Variants in NPTX2 observed in about 807,000 individuals in gnomAD.
NPTX2 encodes the protein neuronal pentraxin 2.
A neutral mutation model predicts 38.1 loss-of-function variants in NPTX2; 23 were observed. The ratio of observed to expected loss-of-function variants is 0.60; its 90% CI spans 0.43 to 0.85. The LOEUF is 0.85. Ranked by LOEUF, NPTX2 falls within the 40% of genes least tolerant of loss-of-function variation. NPTX2 has a pLI of 0.00. For synonymous variants in NPTX2, 291 were observed against 287.3 expected, an observed-to-expected ratio of 1.01 and a Z score of -0.13; for missense variants, 553 against 615.3, an observed-to-expected ratio of 0.90 and a Z score of 1.07.
At chr7:98,618,595 T>TCCCCCCCCCCCCCCCCC (rs1221869556) in intron 1 of NPTX2, among the ~76,000 whole-genome samples, 17 of 29,124 alleles carry the variant, frequency 5.8e-4, no homozygotes, top group Admixed American at 2.0e-3. Context: ...TCCCCCTCCG[T>TCCCCCCCCCCCCCCCCC]CCCCCCCCCC....
At chr7:98,618,595 TC>T (rs1221869556) in intron 1 of NPTX2, among the ~76,000 whole-genome samples, 8,831 of 29,110 alleles carry the variant, frequency 0.3, 741 homozygotes, top group East Asian at 0.45. Context: ...TCCCCCTCCG[TC>T]CCCCCCCCCC....
chr7:98,626,603 G>A (rs942803535), intron 3 of NPTX2, among the ~76,000 whole-genome samples: 5 of 152,182 alleles, frequency 3.3e-5, no homozygotes, highest in Non-Finnish European at 5.9e-5. Flanking sequence ...CAGCAACAAC[G>A]CGGTGGTTCA....
chr7:98,623,362 C>G (rs903709836), intron 2 of NPTX2, among the ~76,000 whole-genome samples: 2 of 152,178 alleles, frequency 1.3e-5, no homozygotes, highest in Non-Finnish European at 2.9e-5. Flanking sequence ...GAACTTCAAC[C>G]AAGGCTGCCT....
At chr7:98,627,042 C>CT in intron 3 of NPTX2, 123 bp from the exon 4 acceptor site, 2 of 600,518 alleles carry the variant, frequency 3.3e-6, no homozygotes, top group East Asian at 2.8e-5. Context: ...CCACGCATGA[C>CT]CCCGGTGACA....
At chr7:98,624,861 G>C (rs568874583) in intron 2 of NPTX2, 61 bp from the exon 3 acceptor site, 24 of 1,565,844 alleles carry the variant, frequency 1.5e-5, no homozygotes, top group South Asian at 1.3e-4. Context: ...GCTCTGGGCC[G>C]TGCTGGTGGG....
rs1391674073 is a variant in NPTX2 at position 98,625,061 on chromosome 7, A to T, written c.783A>T (p.Ser261=). Reference sequence around the variant, plus strand: ...GCCTGTGGCTGCGGTCCAGCGCCTCACCAGGCATTGGCACCCCCTTCTCCT... The same window carrying T: ...GCCTGTGGCTGCGGTCCAGCGCCTCTCCAGGCATTGGCACCCCCTTCTCCT... ...TICLWLRSSA[S]PGIGTPFSYA... is the part of the protein sequence containing the mutation. The change falls in exon 3 of 5, where the codon TCA becomes TCT. Residue 261 remains serine, a synonymous_variant. Transcript: ENST00000265634. 6.2e-6 allele frequency: 10 copies of T among 1,613,456 alleles called. No homozygotes were observed. The highest frequency in any genetic ancestry group is 7.6e-6 in the Non-Finnish European group (9 of 1,179,986).
intron 2 of NPTX2, among the ~76,000 whole-genome samples, chr7:98,623,582 A>T (rs1177629053): frequency 6.6e-6 from 1 of 152,194 alleles, no homozygotes; most frequent in Non-Finnish European, 1.5e-5. Context: ...CAATAAACTC[A>T]GTCTTCTCTT....
chr7:98,617,626 CGAGGAGGAGCT>C lies in NPTX2; in HGVS notation c.170_180del (p.Glu57GlyfsTer130), dbSNP rs1791190578. The C allele has an allele frequency of 3.4e-6, 5 of 1,491,040 alleles. No homozygotes were observed. The highest frequency in any genetic ancestry group is 4.4e-6 in the Non-Finnish European group (5 of 1,128,728). The allele number at this position is 1,491,040 out of a possible 1,614,324, so 92.4% of individuals were successfully genotyped here. A position where few individuals can be genotyped will look rare whatever the true frequency, so the allele number is the denominator to read the frequency against. Reference sequence around the variant, plus strand: ...CCATGCAGGGCGGCGCGCAGAGTCCCGAGGAGGAGCTGAGGGCCGCGGTGCTGCAGCTGCGC... The same window carrying C: ...CCATGCAGGGCGGCGCGCAGAGTCCCGAGGGCCGCGGTGCTGCAGCTGCGC... On this transcript the variant is annotated frameshift_variant, in exon 1 of 5. Transcript: ENST00000265634. LOFTEE classifies it high-confidence loss of function.
intron 1 of NPTX2, among the ~76,000 whole-genome samples, 197 bp downstream of exon 1, chr7:98,618,084 C>G (rs371984746): frequency 1.4e-4 from 22 of 152,338 alleles, no homozygotes; most frequent in African/African-American, 4.8e-4. Flanking sequence ...TCCCTTCCCA[C>G]ACCGCTGCTC....
intron 3 of NPTX2, among the ~76,000 whole-genome samples, chr7:98,625,779 A>G (rs1431768667): frequency 1.3e-5 from 2 of 151,618 alleles, no homozygotes; most frequent in African/African-American, 2.4e-5. Context: ...CCTGTTATGT[A>G]TACCCATGGT....
intron 3 of NPTX2, 129 bp downstream of exon 3, chr7:98,625,295 C>T: frequency 8.2e-7 from 1 of 1,214,004 alleles, no homozygotes; most frequent in African/African-American, 1.5e-5. Flanking sequence ...GACTGCGGGG[C>T]TGTCCTCCTC....
intron 2 of NPTX2, 91 bp from the exon 3 acceptor site, chr7:98,624,831 T>G: frequency 6.7e-7 from 1 of 1,498,188 alleles, no homozygotes; most frequent in East Asian, 2.3e-5. Context: ...GGGACCTTCT[T>G]GTGGGTCTAG....
chr7:98,619,569 G>A (rs1791237861), intron 1 of NPTX2, 74 bp from the exon 2 acceptor site: 2 of 1,283,334 alleles, frequency 1.6e-6, no homozygotes, highest in Non-Finnish European at 2.2e-6. Context: ...TGTGTGGTCG[G>A]GCCATCACAG....
chr7:98,617,689 G>A lies in NPTX2; in HGVS notation c.228G>A (p.Thr76=), dbSNP rs1167770455. The A allele has an allele frequency of 2.1e-6, 3 of 1,458,566 alleles. No homozygotes were observed. Among genetic ancestry groups the A allele is most frequent in the African/African-American group, 3.0e-5 (2 of 67,312 alleles). The allele number at this position is 1,458,566 out of a possible 1,614,324, so 90.4% of individuals were successfully genotyped here. A position where few individuals can be genotyped will look rare whatever the true frequency, so the allele number is the denominator to read the frequency against. ...AGACCGTCGTGCAGCAGAAGGAGAC[G>A]CTGGGCGCGCAGCGCGAGGCCATCC... ...LRETVVQQKE[T]LGAQREAIRE... Residue 76 remains threonine, a synonymous_variant, in exon 1 of 5, where the codon ACG becomes ACA. Transcript: ENST00000265634.
At chr7:98,626,861 G>A (rs555085978) in intron 3 of NPTX2, among the ~76,000 whole-genome samples, 1 of 152,330 alleles carries the variant, frequency 6.6e-6, no homozygotes, top group Non-Finnish European at 1.5e-5. Flanking sequence ...TGGCCCCATG[G>A]AACGCTGACT....
At position 98,625,130 on chromosome 7, in the gene NPTX2, G is replaced by A. The variant is rs750804125; in HGVS notation, c.852G>A (p.Trp284Ter). Residue 284 changes from tryptophan to a stop codon, truncating the protein, a stop_gained, in exon 3 of 5, where the codon TGG becomes TGA. Coordinates refer to ENST00000265634, the MANE Select transcript of NPTX2 (RefSeq NM_002523.3). LOFTEE classifies it high-confidence loss of function. Reference sequence around the variant, plus strand: ...CCAACGAGATCGTGCTGATCGAGTGGGGCAACAACCCCATCGAGCTGCTCA... The same window carrying A: ...CCAACGAGATCGTGCTGATCGAGTGAGGCAACAACCCCATCGAGCTGCTCA... Reference protein sequence around the residue: ...GQANEIVLIEWGNNPIELLIN... With the variant: ...GQANEIVLIE 1 of 1,607,114 alleles carries A rather than the reference G, an allele frequency of 6.2e-7. No individual in the cohort carries two copies. The highest frequency in any genetic ancestry group is 1.1e-5 in the South Asian group (1 of 90,988).
In NPTX2 at chr7:98,618,025, G is replaced by A. The variant is rs1791202747; in HGVS notation, c.426+138G>A. 1.3e-5 allele frequency: 11 copies of A among 830,948 alleles called. No homozygotes were observed. In the South Asian group the frequency reaches 2.0e-4, roughly 15 times the overall value. 51.5% of individuals were successfully genotyped at this position (830,948 alleles called of 1,614,324 possible). A position where few individuals can be genotyped will look rare whatever the true frequency, so the allele number is the denominator to read the frequency against. On this transcript the variant is annotated intron_variant, in intron 1 of 4. Coordinates refer to ENST00000265634, the MANE Select transcript of NPTX2 (RefSeq NM_002523.3). ...TCCGTGGGGGTGAGCTGGACTTGAG[G>A]GTGAAAGGCGGGGATCTAGATCCTG...
chr7:98,629,643 A>G lies in NPTX2; in HGVS notation c.*1014A>G, dbSNP rs780252539. 2.6e-5 allele frequency: 4 copies of G among 152,580 alleles called. No individual in the cohort carries two copies. The highest frequency in any genetic ancestry group is 9.7e-5 in the African/African-American group (4 of 41,436). 9.5% of individuals were successfully genotyped at this position (152,580 alleles called of 1,614,324 possible). A position where few individuals can be genotyped will look rare whatever the true frequency, so the allele number is the denominator to read the frequency against. On this transcript the variant is annotated 3_prime_UTR_variant, in exon 5 of 5. Coordinates refer to ENST00000265634, the MANE Select transcript of NPTX2 (RefSeq NM_002523.3). ...GCTAGAGATTGTCTGAGTGACTCCAAGCTACTCACTGTATTGGACGGGAGT... is the reference window on the plus strand; with the variant it reads ...GCTAGAGATTGTCTGAGTGACTCCAGGCTACTCACTGTATTGGACGGGAGT...
chr7:98,627,323 G>C lies in NPTX2; in HGVS notation c.1047G>C (p.Val349=). The change falls in exon 4 of 5, where the codon GTG becomes GTC. Residue 349 remains valine (V), a synonymous_variant. Coordinates refer to ENST00000265634, the MANE Select transcript of NPTX2 (RefSeq NM_002523.3). The part of the protein sequence containing the change: ...APWHPIKPGG[V]LILGQEQDTV... ...GGCACCCCATCAAGCCCGGGGGCGT[G>C]CTGATCCTTGGACAAGAGCAGGTGG... 6.2e-7 allele frequency: 1 copy of C among 1,613,702 alleles called. No individual in the cohort carries two copies. The highest frequency in any genetic ancestry group is 8.5e-7 in the Non-Finnish European group (1 of 1,179,946).
Sources: allele counts gnomAD v4.1 joint callset (sites outside exome capture counted in the v4.1 genomes callset), GRCh38; gene constraint gnomAD v4.1.1; transcripts MANE v1.5; gene names NCBI Gene and HGNC (gene_info 2026-07-23, HGNC 2026-07-21).